The following HTR1F variants were observed in gnomAD, a reference collection of about 807,000 sequenced individuals.
The protein encoded by HTR1F is 5-hydroxytryptamine (serotonin) receptor 1F, G protein-coupled.
A neutral mutation model predicts 24.0 loss-of-function variants in HTR1F; 17 were observed. The ratio of observed to expected loss-of-function variants is 0.71; its 90% CI spans 0.48 to 1.06. HTR1F has a LOEUF of 1.06. Ranked by LOEUF, HTR1F falls within the 50% of genes least tolerant of loss-of-function variation. The pLI, the probability that HTR1F is intolerant of heterozygous loss-of-function variation, is 0.00. For synonymous variants in HTR1F, 186 were observed against 156.8 expected, an observed-to-expected ratio of 1.19 and a Z score of -1.39; for missense variants, 391 against 427.8, an observed-to-expected ratio of 0.91 and a Z score of 0.76.
chr3:87,896,817 G>A (rs1689202858), intron 2 of HTR1F, among the ~76,000 whole-genome samples: 2 of 152,110 alleles, frequency 1.3e-5, no homozygotes, highest in African/African-American at 4.8e-5. Context: ...TATGTGAAAA[G>A]ATGCTGTACA....
intron 1 of HTR1F, among the ~76,000 whole-genome samples, chr3:87,820,493 T>A (rs1704339174): frequency 6.6e-6 from 1 of 152,116 alleles, no homozygotes; most frequent in Admixed American, 6.6e-5. Context: ...CATTTTAACA[T>A]GATTTATGCC....
chr3:87,851,017 G>C (rs1338953380), intron 2 of HTR1F, among the ~76,000 whole-genome samples: 1 of 151,580 alleles, frequency 6.6e-6, no homozygotes, highest in Non-Finnish European at 1.5e-5. Flanking sequence ...AGAGTAACAA[G>C]ACAGTATGTT....
chr3:87,895,622 T>C (rs1559622403), intron 2 of HTR1F, among the ~76,000 whole-genome samples: 2 of 152,190 alleles, frequency 1.3e-5, no homozygotes, highest in African/African-American at 4.8e-5. Context: ...GTTCAAGTTA[T>C]AGTAGAAAAG....
At chr3:87,863,184 AT>A (rs1253896055) in intron 2 of HTR1F, among the ~76,000 whole-genome samples, 1 of 152,160 alleles carries the variant, frequency 6.6e-6, no homozygotes, top group Non-Finnish European at 1.5e-5. Flanking sequence ...TTTCTGAAGG[AT>A]TAGCAAAAGG....
chr3:87,887,212 C>G (rs2107296235), intron 2 of HTR1F, among the ~76,000 whole-genome samples: 1 of 152,220 alleles, frequency 6.6e-6, no homozygotes, highest in African/African-American at 2.4e-5. Context: ...CTGACAAAAA[C>G]AAGGAATGGG....
At chr3:87,957,867 T>G (rs150700108) in intron 2 of HTR1F, among the ~76,000 whole-genome samples, 164 of 151,500 alleles carry the variant, frequency 1.1e-3, no homozygotes, top group African/African-American at 3.9e-3. Context: ...AAGAAACATC[T>G]TTTGGCTTTT....
At chr3:87,926,886 G>T (rs1447973399) in intron 2 of HTR1F, among the ~76,000 whole-genome samples, 5 of 152,152 alleles carry the variant, frequency 3.3e-5, no homozygotes, top group Admixed American at 1.3e-4. Context: ...AGATTAATCA[G>T]TAACATATTT....
intron 2 of HTR1F, among the ~76,000 whole-genome samples, chr3:87,907,901 T>C (rs370163134): frequency 2.9e-4 from 44 of 152,138 alleles, no homozygotes; most frequent in African/African-American, 1.0e-3. Context: ...AGACTGATTA[T>C]ATGTTGGAAT....
chr3:87,849,439 C>T (rs543424103), intron 2 of HTR1F, among the ~76,000 whole-genome samples: 6 of 151,940 alleles, frequency 3.9e-5, no homozygotes, highest in South Asian at 2.1e-4. Flanking sequence ...CTTTCTTACA[C>T]CTTCTACAAA....
At chr3:87,886,227 C>T (rs1176890761) in intron 2 of HTR1F, among the ~76,000 whole-genome samples, 2 of 152,092 alleles carry the variant, frequency 1.3e-5, no homozygotes, top group Admixed American at 6.6e-5. Flanking sequence ...TAAACAGAAC[C>T]AAGGACAAAA....
chr3:87,859,567 C>T (rs532842960), intron 2 of HTR1F, among the ~76,000 whole-genome samples: 2 of 152,106 alleles, frequency 1.3e-5, no homozygotes, highest in East Asian at 1.9e-4. Context: ...TGGAGCAGCC[C>T]GGCATACTGC....
intron 2 of HTR1F, among the ~76,000 whole-genome samples, chr3:87,938,305 A>G (rs1704477997): frequency 1.3e-5 from 2 of 152,216 alleles, no homozygotes; most frequent in African/African-American, 2.4e-5. Flanking sequence ...AAACAAATGG[A>G]AAAACATTCC....
At chr3:87,956,870 T>C (rs901410355) in intron 2 of HTR1F, among the ~76,000 whole-genome samples, 2 of 151,396 alleles carry the variant, frequency 1.3e-5, no homozygotes, top group African/African-American at 4.8e-5. Context: ...GATTTTTAGA[T>C]TCCTGTAGAT....
At chr3:87,850,048 G>A (rs1705045399) in intron 2 of HTR1F, among the ~76,000 whole-genome samples, 1 of 151,924 alleles carries the variant, frequency 6.6e-6, no homozygotes, top group South Asian at 2.1e-4. Context: ...AAGTCAGTGT[G>A]GTGATTCCTC....
At chr3:87,892,759 CTTT>C (rs906523624) in intron 2 of HTR1F, among the ~76,000 whole-genome samples, 1 of 150,234 alleles carries the variant, frequency 6.7e-6, no homozygotes, top group Non-Finnish European at 1.5e-5. Flanking sequence ...CCTTTTGGGG[CTTT>C]TTTTTTAATC....
rs1703715914 is a variant in HTR1F, at chr3:87,908,657, A to G, written c.-42-82051A>G. 3.9e-5 allele frequency among the ~76,000 whole-genome samples: 6 copies of G among 152,184 alleles called. No individual in the cohort carries two copies. The South Asian group carries it at 8.3e-4, about 21-fold the overall frequency. Reference sequence around the variant, plus strand: ...CCTCTTTTTAAATCTGGCACCCTACATTCTAATTTCAATAGGTTTCATCAG... The same window carrying G: ...CCTCTTTTTAAATCTGGCACCCTACGTTCTAATTTCAATAGGTTTCATCAG... On this transcript the variant is annotated intron_variant, in intron 2 of 2. Transcript: ENST00000319595.
At chr3:87,931,513 G>A (rs1248326412) in intron 2 of HTR1F, among the ~76,000 whole-genome samples, 1 of 152,110 alleles carries the variant, frequency 6.6e-6, no homozygotes, top group Non-Finnish European at 1.5e-5. Flanking sequence ...AAACATACGT[G>A]TGCATGTGTC....
chr3:87,883,382 G>C (rs927846453), intron 2 of HTR1F, among the ~76,000 whole-genome samples: 4 of 152,112 alleles, frequency 2.6e-5, no homozygotes, highest in African/African-American at 4.8e-5. Flanking sequence ...GAGCAGAAAA[G>C]CTGAAAATTC....
At chr3:87,878,525 G>A (rs1162329755) in intron 2 of HTR1F, among the ~76,000 whole-genome samples, 1 of 152,120 alleles carries the variant, frequency 6.6e-6, no homozygotes, top group Non-Finnish European at 1.5e-5. Flanking sequence ...ACCTAAAATT[G>A]TAGGATGAGG....
Sources: gnomAD v4.1 joint callset for allele counts (sites outside exome capture counted in the v4.1 genomes callset) on GRCh38, gnomAD v4.1.1 for gene constraint, MANE v1.5 for transcripts, NCBI Gene and HGNC (gene_info 2026-07-23, HGNC 2026-07-21) for gene names.